PCDHGA5: variants seen among roughly 807,000 people sequenced by gnomAD.
The protein encoded by PCDHGA5 is protocadherin gamma-A5.
A neutral mutation model predicts 56.7 loss-of-function variants in PCDHGA5; 36 were observed. The ratio of observed to expected loss-of-function variants is 0.64; its 90% CI spans 0.49 to 0.84. The LOEUF is 0.84. Among genes scored for constraint, PCDHGA5 ranks in the 40% least tolerant of loss-of-function variants. The probability of loss-of-function intolerance (pLI) is 0.00; values close to 1 mark genes in which losing one functional copy is unlikely to be tolerated. For synonymous variants in PCDHGA5, 563 were observed against 520.2 expected, an observed-to-expected ratio of 1.08 and a Z score of -1.12; for missense variants, 1,305 against 1,201.5, an observed-to-expected ratio of 1.09 and a Z score of -1.27.
intron 1 of PCDHGA5, chr5:141,414,493 GCT>G: frequency 6.2e-7 from 1 of 1,613,950 alleles, no homozygotes; most frequent in Non-Finnish European, 8.5e-7. Context: ...ATCAACGGAA[GCT>G]CACTTTATGC....
At chr5:141,453,495 C>T (rs1490576605) in intron 1 of PCDHGA5, among the ~76,000 whole-genome samples, 1 of 151,968 alleles carries the variant, frequency 6.6e-6, no homozygotes, top group Admixed American at 6.6e-5. Flanking sequence ...AAAAGGTGTA[C>T]TCAGAAAATT....
intron 1 of PCDHGA5, chr5:141,428,221 G>T (rs1314522513): frequency 1.0e-5 from 12 of 1,177,166 alleles, no homozygotes; most frequent in East Asian, 4.9e-5. Context: ...CCTAGTCTTC[G>T]CAGACAGCCT....
intron 1 of PCDHGA5, chr5:141,396,148 A>G (rs1589277067): frequency 6.6e-6 from 1 of 152,328 alleles, no homozygotes; most frequent in South Asian, 2.1e-4. Context: ...AAGCTGATCA[A>G]TTCAATTAAA....
chr5:141,466,646 T>C (rs954003023), intron 1 of PCDHGA5, among the ~76,000 whole-genome samples: 11 of 152,210 alleles, frequency 7.2e-5, no homozygotes, highest in African/African-American at 2.4e-4. Context: ...CATAAACTTT[T>C]CACAAAACAT....
rs375436846 is a variant in PCDHGA5, at chr5:141,399,581, A to T, written c.2421+32830A>T. ...TTGGGGTTGAACGGCCAAGTCTCCT[A>T]CTCTATCATGGCCAGCGACCTAGAG... is the stretch of plus-strand genomic sequence containing the variant. On this transcript the variant is annotated intron_variant, in intron 1 of 3. Coordinates refer to ENST00000518069, the MANE Select transcript of PCDHGA5 (RefSeq NM_018918.3). 9.9e-6 allele frequency: 16 copies of T among 1,613,788 alleles called. No homozygotes were observed. The African/African-American group carries it at 1.9e-4, about 19-fold the overall frequency.
At chr5:141,387,534 G>T in intron 1 of PCDHGA5, among the ~76,000 whole-genome samples, 1 of 152,198 alleles carries the variant, frequency 6.6e-6, no homozygotes, top group East Asian at 1.9e-4. Context: ...ACGTATCCAC[G>T]TAGTTTTTGT....
At chr5:141,399,174 T>C (rs2093763814) in intron 1 of PCDHGA5, 1 of 1,613,700 alleles carries the variant, frequency 6.2e-7, no homozygotes, top group Admixed American at 1.7e-5. Context: ...ATTCTCTACT[T>C]GAAATGATTC....
At position 141,477,843 on chromosome 5, in the gene PCDHGA5, C is replaced by T; in HGVS notation, c.2422-16964C>T. The T allele has an allele frequency of 6.2e-7, 1 of 1,613,408 alleles. No homozygotes were observed. Among genetic ancestry groups the T allele is most frequent in the Non-Finnish European group, 8.5e-7 (1 of 1,179,796 alleles). On this transcript the variant is annotated intron_variant, in intron 1 of 3. Coordinates refer to ENST00000518069, the MANE Select transcript of PCDHGA5 (RefSeq NM_018918.3). The surrounding 1 kb of genome is among the most constrained non-coding windows in gnomAD (Gnocchi z 4.9). Reference sequence around the variant, plus strand: ...CTATATCCTCGGCCAGGTGGGAGCTCGGTGGAGATGCTGCCTCGAGGTACC... The same window carrying T: ...CTATATCCTCGGCCAGGTGGGAGCTTGGTGGAGATGCTGCCTCGAGGTACC...
rs772884830 is a variant in PCDHGA5 at position 141,491,791 on chromosome 5, C to T, written c.2422-3016C>T. ...TAAGGGATTGAACTTGCATCCACTCCTCTCCGGCCGGCTTGGTCGCTGGCT... is the reference window on the plus strand; with the variant it reads ...TAAGGGATTGAACTTGCATCCACTCTTCTCCGGCCGGCTTGGTCGCTGGCT... On this transcript the variant is annotated intron_variant, in intron 1 of 3. Coordinates refer to ENST00000518069, the MANE Select transcript of PCDHGA5 (RefSeq NM_018918.3). This position sits in a 1 kb window ranked among gnomAD's most constrained non-coding sequence, Gnocchi z 6.9. The T allele has an allele frequency of 3.3e-6, 5 of 1,518,376 alleles. No homozygotes were observed. In the African/African-American group the frequency reaches 4.2e-5, roughly 13 times the overall value. The allele number at this position is 1,518,376 out of a possible 1,614,324, so 94.1% of individuals were successfully genotyped here.
At chr5:141,423,702 C>T in intron 1 of PCDHGA5, 4 of 1,340,970 alleles carry the variant, frequency 3.0e-6, no homozygotes, top group South Asian at 1.6e-5. Flanking sequence ...GGTGTCTTGG[C>T]ACAAGTCTTT....
intron 1 of PCDHGA5, chr5:141,421,637 A>T: frequency 6.2e-7 from 1 of 1,613,810 alleles, no homozygotes; most frequent in Non-Finnish European, 8.5e-7. Flanking sequence ...TTCCAGGAGG[A>T]CGAAGTGGAG....
At chr5:141,428,034 T>A (rs768728101) in intron 1 of PCDHGA5, 8 of 1,607,778 alleles carry the variant, frequency 5.0e-6, no homozygotes, top group Middle Eastern at 1.7e-4. Context: ...AGAGTCCGGC[T>A]ACCTGGTGAC....
intron 1 of PCDHGA5, chr5:141,384,711 G>A (rs765373675): frequency 2.5e-6 from 4 of 1,614,042 alleles, no homozygotes; most frequent in East Asian, 2.2e-5. Flanking sequence ...ACGCCTGGCT[G>A]TCATACCTCC....
At chr5:141,419,051 T>A (rs1007349455) in intron 1 of PCDHGA5, 6 of 1,613,950 alleles carry the variant, frequency 3.7e-6, no homozygotes, top group East Asian at 2.2e-5. Context: ...TCATTCTTCT[T>A]CTAATAATTA....
chr5:141,371,232 G>C, intron 1 of PCDHGA5: 4 of 1,614,036 alleles, frequency 2.5e-6, no homozygotes, highest in Non-Finnish European at 3.4e-6. Flanking sequence ...AATCATCTAT[G>C]CCTTCATCAA....
intron 1 of PCDHGA5, chr5:141,384,111 G>A: frequency 6.2e-7 from 1 of 1,604,746 alleles, no homozygotes; most frequent in Non-Finnish European, 8.5e-7. Context: ...ATTATAGATT[G>A]GTCACAACCA....
chr5:141,399,407 C>T (rs1168752842), intron 1 of PCDHGA5: 5 of 1,613,914 alleles, frequency 3.1e-6, no homozygotes, highest in Non-Finnish European at 4.2e-6. Context: ...GGCAAGCCGC[C>T]CCTCTCCTCC....
chr5:141,494,446 G>C (rs1046119515), intron 1 of PCDHGA5, among the ~76,000 whole-genome samples: 2 of 152,172 alleles, frequency 1.3e-5, no homozygotes, highest in African/African-American at 4.8e-5. Context: ...TGCCACTTTA[G>C]GGGGCTTTGT....
At chr5:141,509,411 AGCC>A (rs2099876675) in intron 3 of PCDHGA5, among the ~76,000 whole-genome samples, 2 of 152,098 alleles carry the variant, frequency 1.3e-5, no homozygotes, top group Admixed American at 1.3e-4. Flanking sequence ...TCCAGCAGCG[AGCC>A]CCAATGAGTC....
Sources: gnomAD v4.1 joint callset for allele counts (sites outside exome capture counted in the v4.1 genomes callset) on GRCh38, gnomAD v4.1.1 for gene constraint, Gnocchi (gnomAD v3.1) non-coding constraint, MANE v1.5 for transcripts, NCBI Gene and HGNC (gene_info 2026-07-23, HGNC 2026-07-21) for gene names.